Variants in MTUS2 observed in about 807,000 individuals in gnomAD.
MTUS2 encodes the protein microtubule associated scaffold protein 2.
In MTUS2, 40 loss-of-function variants were observed where a neutral mutation model predicts 114.1. That is an observed-to-expected ratio of 0.35 (90% CI 0.27 to 0.46). The LOEUF is 0.46. Ranked by LOEUF, MTUS2 falls within the 20% of genes least tolerant of loss-of-function variation. MTUS2 has a pLI of 1.00. For synonymous variants in MTUS2, 688 were observed against 672.0 expected, an observed-to-expected ratio of 1.02 and a Z score of -0.37; for missense variants, 1,679 against 1,705.4, an observed-to-expected ratio of 0.98 and a Z score of 0.27.
chr13:29,308,517 A>C (rs1310594058), intron 6 of MTUS2, among the ~76,000 whole-genome samples: 11 of 152,206 alleles, frequency 7.2e-5, no homozygotes. Context: ...TGATGAAAAC[A>C]CCAAAAGCAA....
chr13:28,996,049 T>A (rs1408277505), intron 2 of MTUS2, among the ~76,000 whole-genome samples: 1 of 152,210 alleles, frequency 6.6e-6, no homozygotes, highest in African/African-American at 2.4e-5. Context: ...TAGATAGCTC[T>A]TATTATTTTG....
intron 7 of MTUS2, among the ~76,000 whole-genome samples, chr13:29,331,059 T>G (rs1018988371): frequency 6.6e-6 from 1 of 152,230 alleles, no homozygotes; most frequent in Non-Finnish European, 1.5e-5. Context: ...TGATTCTTTC[T>G]GTCCATGAGC....
chr13:29,403,509 A>G (rs773004014), intron 8 of MTUS2, among the ~76,000 whole-genome samples: 6 of 152,210 alleles, frequency 3.9e-5, no homozygotes, highest in Non-Finnish European at 5.9e-5. Flanking sequence ...TCCAGTTGAG[A>G]TGAACATAGG....
chr13:28,905,694 A>C (rs1490171226), intron 2 of MTUS2, among the ~76,000 whole-genome samples: 2 of 151,522 alleles, frequency 1.3e-5, no homozygotes, highest in Admixed American at 6.6e-5. Context: ...ATGTTCATCA[A>C]GGATATTGGT....
chr13:28,914,156 T>G (rs1387059806), intron 2 of MTUS2, among the ~76,000 whole-genome samples: 1 of 151,368 alleles, frequency 6.6e-6, no homozygotes, highest in African/African-American at 2.4e-5. Flanking sequence ...CTCCTAGCTT[T>G]GCGGTTCTCT....
rs1376046410 is a variant in MTUS2 at position 29,034,088 on chromosome 13, A to G, written c.2409A>G (p.Ile803Met). The change falls in exon 4 of 16, where the codon ATA becomes ATG. Residue 803 changes from isoleucine to methionine, a missense_variant. Ile to Met is a conservative substitution (Grantham distance 10, BLOSUM62 1). This residue lies in a region of MTUS2 where 822 missense variants were observed against 899.7 expected (regional missense o/e 0.91). Transcript: ENST00000612955. ...SASAIHPPGPITTATSLYSSD... is the reference protein window; with the variant it reads ...SASAIHPPGPMTTATSLYSSD... ...GCGCCATCCACCCACCAGGACCCAT[A>G]ACAACAGCCACCAGTCTCTACAGTT... 1 of 1,613,842 alleles carries G rather than the reference A, an allele frequency of 6.2e-7. No individual in the cohort carries two copies. Among genetic ancestry groups the G allele is most frequent in the Non-Finnish European group, 8.5e-7 (1 of 1,179,888 alleles).
At chr13:29,386,496 C>T (rs1476000221) in intron 8 of MTUS2, among the ~76,000 whole-genome samples, 2 of 152,056 alleles carry the variant, frequency 1.3e-5, no homozygotes, top group African/African-American at 2.4e-5. Context: ...AGGGCAGGGG[C>T]GATTCTCACT....
intron 2 of MTUS2, among the ~76,000 whole-genome samples, chr13:28,913,693 C>T (rs1325354519): frequency 1.3e-5 from 2 of 152,048 alleles, no homozygotes; most frequent in African/African-American, 4.8e-5. Context: ...AGAAATGGTA[C>T]CAGCTCTTCT....
At chr13:29,452,081 A>G (rs548699577) in intron 9 of MTUS2, among the ~76,000 whole-genome samples, 2 of 152,344 alleles carry the variant, frequency 1.3e-5, no homozygotes, top group East Asian at 3.9e-4. Flanking sequence ...GCCAGTAAAT[A>G]TAATTTTCTA....
intron 5 of MTUS2, among the ~76,000 whole-genome samples, chr13:29,211,420 C>A (rs1264922365): frequency 6.6e-6 from 1 of 152,298 alleles, no homozygotes. Context: ...CCACCTGCAG[C>A]AGCTTCTGTG....
At chr13:29,354,396 A>T (rs1869563591) in intron 7 of MTUS2, among the ~76,000 whole-genome samples, 1 of 152,176 alleles carries the variant, frequency 6.6e-6, no homozygotes. Flanking sequence ...GAAAAAAGGG[A>T]TTCAGATTTA....
At chr13:29,318,391 CT>C (rs71090240) in intron 6 of MTUS2, among the ~76,000 whole-genome samples, 6 of 135,016 alleles carry the variant, frequency 4.4e-5, no homozygotes, top group African/African-American at 1.1e-4. Flanking sequence ...ATTTCTTTTT[CT>C]TTTTTTTTTT....
chr13:28,906,773 G>A (rs1376185828), intron 2 of MTUS2, among the ~76,000 whole-genome samples: 1 of 151,526 alleles, frequency 6.6e-6, no homozygotes, highest in Non-Finnish European at 1.5e-5. Flanking sequence ...TATTAGGTCT[G>A]CTTGGCGCAG....
chr13:29,058,010 G>T (rs536834447), intron 4 of MTUS2, among the ~76,000 whole-genome samples: 1 of 152,086 alleles, frequency 6.6e-6, no homozygotes, highest in East Asian at 1.9e-4. Context: ...GCATTTGCTT[G>T]CCTGGAAAGG....
At chr13:29,421,503 C>T (rs1876106688) in intron 8 of MTUS2, among the ~76,000 whole-genome samples, 1 of 152,128 alleles carries the variant, frequency 6.6e-6, no homozygotes, top group South Asian at 2.1e-4. Flanking sequence ...CTGCATAGAA[C>T]ACCAAAATGC....
At chr13:29,054,331 A>G (rs1888032142) in intron 4 of MTUS2, among the ~76,000 whole-genome samples, 1 of 152,116 alleles carries the variant, frequency 6.6e-6, no homozygotes, top group African/African-American at 2.4e-5. Flanking sequence ...TTGTTTAGAT[A>G]TATCTTTTGA....
intron 2 of MTUS2, among the ~76,000 whole-genome samples, chr13:28,845,456 T>C (rs1172595935): frequency 6.6e-6 from 1 of 152,236 alleles, no homozygotes; most frequent in Non-Finnish European, 1.5e-5. Context: ...AGAATTCTTT[T>C]TCTTTCATCT....
chr13:29,430,133 G>A (rs1876879918), intron 8 of MTUS2, among the ~76,000 whole-genome samples: 2 of 151,294 alleles, frequency 1.3e-5, no homozygotes. Context: ...TTGCGAAGTG[G>A]TCACAAAAGA....
intron 7 of MTUS2, among the ~76,000 whole-genome samples, chr13:29,329,855 C>A (rs889464376): frequency 6.6e-6 from 1 of 152,090 alleles, no homozygotes; most frequent in Admixed American, 6.6e-5. Context: ...CTCAGGTGAT[C>A]CACCCATCTC....
Sources: allele counts gnomAD v4.1 joint callset (sites outside exome capture counted in the v4.1 genomes callset), GRCh38; gene constraint gnomAD v4.1.1; regional missense constraint gnomAD v4.1.1; transcripts MANE v1.5; gene names NCBI Gene and HGNC (gene_info 2026-07-23, HGNC 2026-07-21).